The following NXPH1 variants were observed in gnomAD, a reference collection of about 807,000 sequenced individuals.
The protein encoded by NXPH1 is neurexophilin-1.
Under a neutral mutation model 23.7 loss-of-function variants are expected in NXPH1, and 5 were observed. That is an observed-to-expected ratio of 0.21 (90% confidence interval 0.11 to 0.44). NXPH1 has a LOEUF of 0.44. NXPH1 is among the 20% of genes least tolerant of loss of function. The pLI, the probability that NXPH1 is intolerant of heterozygous loss-of-function variation, is 0.99. For synonymous variants in NXPH1, 144 were observed against 122.2 expected, an observed-to-expected ratio of 1.18 and a Z score of -1.18; for missense variants, 324 against 321.6, an observed-to-expected ratio of 1.01 and a Z score of -0.06.
chr7:8,600,908 A>G (rs573060839), intron 2 of NXPH1, among the ~76,000 whole-genome samples: 1 of 151,520 alleles, frequency 6.6e-6, no homozygotes, highest in South Asian at 2.1e-4. Context: ...TTATGTCTGT[A>G]CTGAATGTGT....
intron 2 of NXPH1, among the ~76,000 whole-genome samples, chr7:8,561,882 G>C (rs963855133): frequency 6.6e-6 from 1 of 151,600 alleles, no homozygotes; most frequent in Non-Finnish European, 1.5e-5. Flanking sequence ...AAAGAACAAA[G>C]CAGTATGTGA....
rs1403492779 is a variant in NXPH1, at chr7:8,751,241, C to A, written c.288C>A (p.Asp96Glu). 1.9e-6 allele frequency: 3 copies of A among 1,613,784 alleles called. No homozygotes were observed. Among genetic ancestry groups the A allele is most frequent in the Non-Finnish European group, 2.5e-6 (3 of 1,179,844 alleles). ...GGGACTGGCTGAGGAACTCCACAGACCTTCAAGAGCCTCGGCCCAGGGCCA... is the reference window on the plus strand; with the variant it reads ...GGGACTGGCTGAGGAACTCCACAGAACTTCAAGAGCCTCGGCCCAGGGCCA... ...DLWDWLRNST[D>E]LQEPRPRAKR... The change falls in exon 3 of 3, where the codon GAC (aspartate) becomes GAA (glutamate). Residue 96 changes from aspartate (D) to glutamate (E), a missense_variant. Coordinates refer to ENST00000405863, the MANE Select transcript of NXPH1 (RefSeq NM_152745.3). This position sits in a 1 kb window ranked among gnomAD's most constrained non-coding sequence, Gnocchi z 4.5.
intron 2 of NXPH1, among the ~76,000 whole-genome samples, chr7:8,679,123 A>G (rs937218677): frequency 1.3e-5 from 2 of 150,810 alleles, no homozygotes; most frequent in Admixed American, 6.6e-5. Flanking sequence ...AATTTTTTGT[A>G]TTTTTAGTAG....
intron 2 of NXPH1, among the ~76,000 whole-genome samples, chr7:8,658,368 T>G (rs1475495365): frequency 6.6e-6 from 1 of 152,230 alleles, no homozygotes; most frequent in African/African-American, 2.4e-5. Flanking sequence ...TTCCATTTAG[T>G]ATGTGGCAAT....
intron 2 of NXPH1, among the ~76,000 whole-genome samples, chr7:8,458,327 C>G (rs1309963295): frequency 1.3e-5 from 2 of 152,170 alleles, no homozygotes; most frequent in African/African-American, 4.8e-5. Context: ...AAACAACCCA[C>G]AGATTCATGC....
intron 2 of NXPH1, among the ~76,000 whole-genome samples, chr7:8,525,625 G>T (rs1383848205): frequency 6.6e-6 from 1 of 152,136 alleles, no homozygotes; most frequent in African/African-American, 2.4e-5. Flanking sequence ...CATGCTGTGG[G>T]CAGGCTAGGG....
At chr7:8,650,062 A>G (rs1287604451) in intron 2 of NXPH1, among the ~76,000 whole-genome samples, 1 of 152,108 alleles carries the variant, frequency 6.6e-6, no homozygotes, top group Non-Finnish European at 1.5e-5. Context: ...TGTTGCTGCT[A>G]TTTCTGGACA....
chr7:8,495,189 C>A (rs566071741), intron 2 of NXPH1, among the ~76,000 whole-genome samples: 1 of 151,908 alleles, frequency 6.6e-6, no homozygotes, highest in East Asian at 1.9e-4. Flanking sequence ...AGGTTGGTAG[C>A]CTGCCTACTA....
Position 8,435,786 on chromosome 7 carries a change from G to A in NXPH1, c.54+19G>A. ...CTACTTGGTAAGTCTTGGAAGGTTCGGGGCTTTCGCATTTTTACCCCGGCC... is the reference window on the plus strand; with the variant it reads ...CTACTTGGTAAGTCTTGGAAGGTTCAGGGCTTTCGCATTTTTACCCCGGCC... On this transcript the variant is annotated intron_variant, in intron 2 of 2. Transcript: ENST00000405863. This position sits in a 1 kb window ranked among gnomAD's most constrained non-coding sequence, Gnocchi z 5.9. 2 of 1,613,520 alleles carry A rather than the reference G, an allele frequency of 1.2e-6. No homozygotes were observed. The highest frequency in any genetic ancestry group is 1.1e-5 in the South Asian group (1 of 91,072).
At chr7:8,732,414 G>A (rs1780173936) in intron 2 of NXPH1, among the ~76,000 whole-genome samples, 1 of 152,210 alleles carries the variant, frequency 6.6e-6, no homozygotes, top group South Asian at 2.1e-4. Context: ...ACTTTAAGAA[G>A]CTAAAAATTT....
intron 2 of NXPH1, among the ~76,000 whole-genome samples, chr7:8,581,204 C>A (rs1463263105): frequency 6.6e-6 from 1 of 152,014 alleles, no homozygotes; most frequent in East Asian, 1.9e-4. Context: ...AAAATATATA[C>A]TTATTAAAGA....
At chr7:8,572,123 A>G (rs1460743284) in intron 2 of NXPH1, among the ~76,000 whole-genome samples, 3 of 151,986 alleles carry the variant, frequency 2.0e-5, no homozygotes, top group Non-Finnish European at 4.4e-5. Flanking sequence ...AGTATGTCTT[A>G]AATAATGCAT....
intron 2 of NXPH1, among the ~76,000 whole-genome samples, chr7:8,659,001 A>G (rs200161089): frequency 5.0e-5 from 1 of 20,054 alleles, no homozygotes. Context: ...ATATATATAT[A>G]TATATTTTTT....
chr7:8,697,479 T>A (rs1583235038), intron 2 of NXPH1, among the ~76,000 whole-genome samples: 1 of 152,216 alleles, frequency 6.6e-6, no homozygotes, highest in Non-Finnish European at 1.5e-5. Context: ...ATTTTAGAAG[T>A]AGACAGAAGA....
rs1239528559 is a variant in NXPH1 at position 8,442,457 on chromosome 7, AG to A, written c.54+6695del. On this transcript the variant is annotated intron_variant, in intron 2 of 2. Transcript: ENST00000405863. This position sits in a 1 kb window ranked among gnomAD's most constrained non-coding sequence, Gnocchi z 4.6. Reference sequence around the variant, plus strand: ...TCCTAGCTGCCGCGGCTAAGGGCGCAGGGGGAGGCCGCGCGTCCTCGCCACA... The same window carrying A: ...TCCTAGCTGCCGCGGCTAAGGGCGCAGGGGAGGCCGCGCGTCCTCGCCACA... Among the ~76,000 whole-genome samples, 2 of 152,180 alleles carry A rather than the reference AG, an allele frequency of 1.3e-5. No homozygotes were observed. Among genetic ancestry groups the A allele is most frequent in the Non-Finnish European group, 2.9e-5 (2 of 68,028 alleles).
intron 2 of NXPH1, among the ~76,000 whole-genome samples, chr7:8,584,563 C>T (rs1246358630): frequency 6.6e-6 from 1 of 151,986 alleles, no homozygotes; most frequent in Non-Finnish European, 1.5e-5. Flanking sequence ...CTCAGAGATC[C>T]AATACAAAAT....
chr7:8,728,425 A>G (rs1370236515), intron 2 of NXPH1, among the ~76,000 whole-genome samples: 1 of 152,170 alleles, frequency 6.6e-6, no homozygotes, highest in East Asian at 1.9e-4. Context: ...CCAGTTTTCA[A>G]AGGGAGTGCT....
At chr7:8,565,968 T>C (rs924930983) in intron 2 of NXPH1, among the ~76,000 whole-genome samples, 9 of 151,842 alleles carry the variant, frequency 5.9e-5, no homozygotes, top group Non-Finnish European at 1.3e-4. Context: ...TTGTGTGTCT[T>C]AAAGTGCTGA....
chr7:8,444,612 G>A (rs966226559), intron 2 of NXPH1, among the ~76,000 whole-genome samples: 9 of 152,214 alleles, frequency 5.9e-5, no homozygotes, highest in African/African-American at 2.2e-4. Context: ...TCCTGTACAG[G>A]TGTCTTCGCA....
Sources: allele counts gnomAD v4.1 joint callset (sites outside exome capture counted in the v4.1 genomes callset), GRCh38; gene constraint gnomAD v4.1.1; non-coding constraint Gnocchi (gnomAD v3.1); transcripts MANE v1.5; gene names NCBI Gene and HGNC (gene_info 2026-07-23, HGNC 2026-07-21).